Variants in KIAA1217 observed in about 807,000 individuals in gnomAD.
The protein encoded by KIAA1217 is sickle tail protein homolog.
Under a neutral mutation model 163.9 loss-of-function variants are expected in KIAA1217, and 88 were observed. The observed-to-expected ratio is 0.54, with a 90% CI of 0.45 to 0.64. The LOEUF is 0.64. Ranked by LOEUF, KIAA1217 falls within the 30% of genes least tolerant of loss-of-function variation. KIAA1217 has a pLI of 0.00. For synonymous variants in KIAA1217, 903 were observed against 923.1 expected (o/e 0.98, Z 0.39); for missense variants, 2,372 against 2,475.0 (o/e 0.96, Z 0.88).
chr10:23,948,160 T>C (rs953248476), intron 1 of KIAA1217, among the ~76,000 whole-genome samples: 1 of 152,156 alleles, frequency 6.6e-6, no homozygotes, highest in African/African-American at 2.4e-5. Context: ...AGGGCATAGA[T>C]TCTGGTTCAA....
intron 1 of KIAA1217, among the ~76,000 whole-genome samples, chr10:23,754,327 C>T (rs934418997): frequency 1.3e-5 from 2 of 152,194 alleles, no homozygotes; most frequent in African/African-American, 4.8e-5. Flanking sequence ...ATTAATGACT[C>T]ATCTCTGTCC....
chr10:23,903,011 T>C (rs541551036), intron 1 of KIAA1217, among the ~76,000 whole-genome samples: 3 of 152,212 alleles, frequency 2.0e-5, no homozygotes, highest in Middle Eastern at 3.4e-3. Flanking sequence ...CCAATTTCAG[T>C]GAACACCTTT....
At chr10:24,026,069 T>C (rs1302085430) in intron 2 of KIAA1217, among the ~76,000 whole-genome samples, 3 of 151,884 alleles carry the variant, frequency 2.0e-5, no homozygotes, top group Non-Finnish European at 2.9e-5. Flanking sequence ...AGGGGAAATG[T>C]AGTACCTTTT....
At chr10:23,860,683 G>A (rs2131133297) in intron 1 of KIAA1217, among the ~76,000 whole-genome samples, 1 of 152,176 alleles carries the variant, frequency 6.6e-6, no homozygotes, top group South Asian at 2.1e-4. Flanking sequence ...TAATCATAAA[G>A]ATGATGTTAA....
intron 1 of KIAA1217, among the ~76,000 whole-genome samples, chr10:23,756,594 G>A (rs972684222): frequency 1.3e-5 from 2 of 152,168 alleles, no homozygotes; most frequent in African/African-American, 4.8e-5. Flanking sequence ...TGTTACTAAT[G>A]AATGTAAGCA....
chr10:24,501,544 A>C lies in KIAA1217; in HGVS notation c.2000A>C (p.Gln667Pro). The C allele has an allele frequency of 6.2e-7, 1 of 1,612,334 alleles. No individual in the cohort carries two copies. The highest frequency in any genetic ancestry group is 8.5e-7 in the Non-Finnish European group (1 of 1,179,428). Residue 667 changes from glutamine to proline, a missense_variant and splice_region_variant, in exon 9 of 21, where the codon CAG becomes CCG. By Grantham distance (76) the Gln-to-Pro change is moderately conservative. Coordinates refer to ENST00000376454, the MANE Select transcript of KIAA1217 (RefSeq NM_019590.5). ...RLQLQQMRQL[Q>P]LQNQELLRAM... ...CAGCTCCAGCAGATGCGGCAGCTCC[A>C]GGTATTCCTCATGCACGGCGGCCTC...
intron 1 of KIAA1217, among the ~76,000 whole-genome samples, chr10:23,850,018 C>A (rs1433670139): frequency 6.6e-6 from 1 of 152,056 alleles, no homozygotes; most frequent in Non-Finnish European, 1.5e-5. Context: ...TGTGTTCAAA[C>A]CAGGAGGCTA....
intron 5 of KIAA1217, among the ~76,000 whole-genome samples, chr10:24,451,228 C>G (rs1592051099): frequency 6.6e-6 from 1 of 152,174 alleles, no homozygotes; most frequent in African/African-American, 2.4e-5. Context: ...GAGCAGGAAG[C>G]TTGTTTGTGA....
chr10:23,874,648 T>G (rs1258059846), intron 1 of KIAA1217, among the ~76,000 whole-genome samples: 1 of 152,010 alleles, frequency 6.6e-6, no homozygotes, highest in Non-Finnish European at 1.5e-5. Context: ...AACCACCTGA[T>G]GCTGGGACCA....
intron 2 of KIAA1217, among the ~76,000 whole-genome samples, chr10:24,114,577 C>A (rs2062979292): frequency 6.6e-6 from 1 of 152,180 alleles, no homozygotes; most frequent in African/African-American, 2.4e-5. Context: ...ACAGTGCTGA[C>A]CCAGGAAGAC....
Position 24,408,979 on chromosome 10 carries a change from T to C in KIAA1217, c.554-24016T>C, listed in dbSNP as rs553719536. Among the ~76,000 whole-genome samples, 4 of 152,348 alleles carry C rather than the reference T, an allele frequency of 2.6e-5. No homozygotes were observed. The South Asian group carries it at 6.2e-4, about 24-fold the overall frequency. ...ACTGCTGTTTTACAAGCTCCTAGTA[T>C]GGTGCCTGCACATAGTAGATGCTCA... On this transcript the variant is annotated intron_variant, in intron 3 of 20. Transcript: ENST00000376454.
At position 24,101,951 on chromosome 10, in the gene KIAA1217, A is replaced by G. The variant is rs1043135136; in HGVS notation, c.-171+94577A>G. Among the ~76,000 whole-genome samples the G allele has an allele frequency of 2.6e-5, 4 of 152,344 alleles. No homozygotes were observed. The South Asian group carries it at 8.3e-4, about 32-fold the overall frequency. ...CTTTGGGAGGTTATGAAAATAGTCC[A>G]GAATTAGATAGTGGTGATAGTTGCA... On this transcript the variant is annotated intron_variant, in intron 2 of 18. Coordinates refer to the KIAA1217 transcript ENST00000376462.
At position 24,539,511 on chromosome 10, in the gene KIAA1217, G is replaced by A. The variant is rs141278541; in HGVS notation, c.3534+2618G>A. 2.6e-3 allele frequency among the ~76,000 whole-genome samples: 396 copies of A among 152,286 alleles called. 13 individuals carry two copies. In the East Asian group the frequency reaches 0.058, roughly 22 times the overall value. On this transcript the variant is annotated intron_variant, in intron 17 of 20. Transcript: ENST00000376454. ...CTCCCAAAGTGCTGGGATTACAAGC[G>A]TGAGCCACCGTGCATTTCTAATTGG... is the stretch of plus-strand genomic sequence containing the variant.
At chr10:24,536,431 A>C (rs934623883) in intron 16 of KIAA1217, among the ~76,000 whole-genome samples, 3 of 152,186 alleles carry the variant, frequency 2.0e-5, no homozygotes, top group African/African-American at 7.2e-5. Context: ...TTTTTGTTTT[A>C]ATTTATTTAC....
intron 2 of KIAA1217, among the ~76,000 whole-genome samples, chr10:24,116,486 G>A (rs1311843026): frequency 6.6e-6 from 1 of 152,112 alleles, no homozygotes; most frequent in Admixed American, 6.5e-5. Flanking sequence ...GGCCTGCAAA[G>A]CCTAAAATAT....
At chr10:24,497,866 C>T (rs762615846) in intron 8 of KIAA1217, among the ~76,000 whole-genome samples, 4 of 151,846 alleles carry the variant, frequency 2.6e-5, no homozygotes, top group Admixed American at 6.6e-5. Flanking sequence ...AAAAAAACTA[C>T]GAATTGGGTA....
chr10:24,204,779 T>G (rs2067456236), upstream of KIAA1217, among the ~76,000 whole-genome samples: 1 of 152,362 alleles, frequency 6.6e-6, no homozygotes, highest in South Asian at 2.1e-4. Context: ...ACATTTCACA[T>G]GCGCCAGATC....
At chr10:24,231,486 G>A (rs777662539) in intron 2 of KIAA1217, among the ~76,000 whole-genome samples, 3 of 152,118 alleles carry the variant, frequency 2.0e-5, no homozygotes, top group Non-Finnish European at 4.4e-5. Context: ...TTGTATGTGC[G>A]AGTGTATATT....
intron 5 of KIAA1217, among the ~76,000 whole-genome samples, chr10:24,463,497 GCTAA>G (rs1222592529): frequency 6.6e-6 from 1 of 152,108 alleles, no homozygotes; most frequent in Non-Finnish European, 1.5e-5. Flanking sequence ...GAAACAATAG[GCTAA>G]CTAAAACCTT....
Sources: allele counts gnomAD v4.1 joint callset (sites outside exome capture counted in the v4.1 genomes callset), GRCh38; gene constraint gnomAD v4.1.1; transcripts MANE v1.5; gene names NCBI Gene and HGNC (gene_info 2026-07-23, HGNC 2026-07-21).